DEPTOR: variants seen among roughly 807,000 people sequenced by gnomAD.
DEPTOR encodes the protein DEP domain containing MTOR interacting protein.
DEPTOR carries 41 observed loss-of-function variants against 41.6 expected under a neutral mutation model. The ratio of observed to expected loss-of-function variants is 0.98; its 90% CI spans 0.77 to 1.28. The LOEUF (loss-of-function observed/expected upper bound fraction) is 1.28, where lower values mean the gene tolerates loss of function less well. Among genes scored for constraint, DEPTOR ranks in the 50% most tolerant of loss-of-function variants. The pLI is 0.00. For missense variants in DEPTOR, 514 were observed against 527.9 expected (o/e 0.97, Z 0.26); for synonymous variants, 195 against 192.3 (o/e 1.01, Z -0.12).
At chr8:120,013,840 CTTTT>C (rs35599330) in intron 8 of DEPTOR, among the ~76,000 whole-genome samples, 1 of 129,874 alleles carries the variant, frequency 7.7e-6, no homozygotes, top group African/African-American at 2.8e-5. Flanking sequence ...GCTATGACTA[CTTTT>C]TTTTTTTTTT....
At chr8:120,030,312 A>C (rs1350987979) in intron 8 of DEPTOR, among the ~76,000 whole-genome samples, 1 of 151,890 alleles carries the variant, frequency 6.6e-6, no homozygotes, top group Non-Finnish European at 1.5e-5. Flanking sequence ...TATGTATTAA[A>C]AGAAATTACT....
At chr8:119,919,265 G>A (rs1472319417) in intron 1 of DEPTOR, among the ~76,000 whole-genome samples, 1 of 152,084 alleles carries the variant, frequency 6.6e-6, no homozygotes, top group Non-Finnish European at 1.5e-5. Context: ...TTTGGAAAGT[G>A]GAGGTGGAGG....
intron 1 of DEPTOR, among the ~76,000 whole-genome samples, chr8:119,879,644 G>A (rs1827273382): frequency 6.6e-6 from 1 of 152,164 alleles, no homozygotes; most frequent in South Asian, 2.1e-4. Context: ...CCAGGAGGCA[G>A]AGGTTGCAGT....
chr8:119,970,108 G>GAT (rs57528009), intron 4 of DEPTOR, among the ~76,000 whole-genome samples: 2,275 of 151,682 alleles, frequency 0.015, 64 homozygotes, highest in African/African-American at 0.052. Flanking sequence ...TATTTATGTG[G>GAT]ATATATATAT....
intron 1 of DEPTOR, among the ~76,000 whole-genome samples, chr8:119,884,167 C>T (rs546815089): frequency 1.6e-4 from 24 of 152,318 alleles, no homozygotes; most frequent in Admixed American, 1.0e-3. Context: ...AAGCGATTCT[C>T]CTGCCTCAGC....
chr8:119,959,653 C>T (rs986719973), intron 3 of DEPTOR, among the ~76,000 whole-genome samples: 4 of 151,840 alleles, frequency 2.6e-5, no homozygotes, highest in Admixed American at 6.6e-5. Context: ...CAGCCTCCCA[C>T]CACAGTAGCT....
chr8:120,003,051 T>C lies in DEPTOR; in HGVS notation c.865T>C (p.Tyr289His). The C allele has an allele frequency of 6.2e-7, 1 of 1,611,708 alleles. No individual in the cohort carries two copies. The change falls in exon 6 of 9, where the codon TAC (tyrosine) becomes CAC (histidine). Residue 289 changes from tyrosine (Y) to histidine (H), a missense_variant. Transcript: ENST00000286234. ...SSMSSCGSSGYFSSSPTLSSS... is the reference protein window; with the variant it reads ...SSMSSCGSSGHFSSSPTLSSS... ...CATGAGCAGCTGTGGCAGCAGCGGC[T>C]ACTTCAGCAGCAGCCCCACCCTCAG...
At position 119,988,019 on chromosome 8, in the gene DEPTOR, G is replaced by C. The variant is rs544125790; in HGVS notation, c.605-13506G>C. On this transcript the variant is annotated intron_variant, in intron 4 of 8. Transcript: ENST00000286234. The stretch of plus-strand genomic sequence containing the variant: ...CCTGGCTTCAGCCCCCTTTCCAGGG[G>C]AGTGAACAGTTCTGTCTCGCTGGTG... Among the ~76,000 whole-genome samples the C allele has an allele frequency of 2.0e-3, 304 of 152,266 alleles. No individual in the cohort carries two copies. In the Middle Eastern group the frequency reaches 0.02, roughly 10 times the overall value.
At chr8:119,971,230 C>CAAA (rs36009381) in intron 4 of DEPTOR, among the ~76,000 whole-genome samples, 3 of 109,546 alleles carry the variant, frequency 2.7e-5, no homozygotes, top group Non-Finnish European at 3.8e-5. Context: ...GACTCCGTCT[C>CAAA]AAAAAAAAAA....
At chr8:120,002,519 TAAG>T (rs979784821) in intron 5 of DEPTOR, among the ~76,000 whole-genome samples, 14 of 151,930 alleles carry the variant, frequency 9.2e-5, no homozygotes, top group Admixed American at 4.6e-4. Context: ...CAAAGATGAA[TAAG>T]AAGATTATTT....
At chr8:119,922,428 A>G (rs186611034) in intron 1 of DEPTOR, among the ~76,000 whole-genome samples, 148 of 152,306 alleles carry the variant, frequency 9.7e-4, no homozygotes, top group African/African-American at 3.4e-3. Flanking sequence ...CCTGACAGAC[A>G]TCACATCTAA....
chr8:119,993,629 A>T (rs1812208787), intron 4 of DEPTOR, among the ~76,000 whole-genome samples: 1 of 152,214 alleles, frequency 6.6e-6, no homozygotes, highest in Non-Finnish European at 1.5e-5. Flanking sequence ...GGTATGTATT[A>T]TATTTACTAT....
chr8:120,037,573 G>A (rs956865792), intron 8 of DEPTOR, among the ~76,000 whole-genome samples: 3 of 152,080 alleles, frequency 2.0e-5, no homozygotes, highest in South Asian at 2.1e-4. Context: ...ATATTCATGT[G>A]TTATCGTTCC....
intron 3 of DEPTOR, among the ~76,000 whole-genome samples, chr8:119,941,279 G>A (rs1176618177): frequency 3.4e-5 from 5 of 145,674 alleles, no homozygotes; most frequent in African/African-American, 5.1e-5. Context: ...AGGCTGAGGC[G>A]AGAGAATCAC....
intron 8 of DEPTOR, among the ~76,000 whole-genome samples, chr8:120,038,621 TAAATAAAC>T (rs1265146282): frequency 1.4e-5 from 2 of 146,916 alleles, no homozygotes; most frequent in Non-Finnish European, 3.0e-5. Context: ...AAAAAAGAAA[TAAATAAAC>T]AAATAATAAA....
intron 8 of DEPTOR, among the ~76,000 whole-genome samples, chr8:120,038,268 CAA>C (rs71771968): frequency 8.6e-5 from 10 of 116,596 alleles, no homozygotes; most frequent in Non-Finnish European, 1.5e-4. Context: ...GAGTCTGTCT[CAA>C]AAAAAAAAAA....
chr8:119,996,252 A>G (rs555441484), intron 4 of DEPTOR, among the ~76,000 whole-genome samples: 2 of 152,316 alleles, frequency 1.3e-5, no homozygotes, highest in South Asian at 2.1e-4. Context: ...ATTAAATATT[A>G]TATCCCATAA....
intron 4 of DEPTOR, among the ~76,000 whole-genome samples, chr8:119,988,760 G>A (rs933218857): frequency 6.6e-6 from 1 of 152,056 alleles, no homozygotes; most frequent in Non-Finnish European, 1.5e-5. Context: ...TGGGATTACA[G>A]GTGTGAACCA....
intron 8 of DEPTOR, among the ~76,000 whole-genome samples, chr8:120,035,325 A>AAAAG (rs10584339): frequency 0.01 from 1,522 of 151,366 alleles, 27 homozygotes; most frequent in African/African-American, 0.035. Flanking sequence ...GCCCAGAAAA[A>AAAAG]AAAGAAAGAA....
Sources: allele counts gnomAD v4.1 joint callset (sites outside exome capture counted in the v4.1 genomes callset), GRCh38; gene constraint gnomAD v4.1.1; transcripts MANE v1.5; gene names NCBI Gene and HGNC (gene_info 2026-07-23, HGNC 2026-07-21).